The following SEC63 variants were observed in gnomAD, a reference collection of about 807,000 sequenced individuals.
SEC63 encodes the protein SEC63 protein translocation regulator.
SEC63 carries 56 observed loss-of-function variants against 116.2 expected under a neutral mutation model. The observed-to-expected ratio is 0.48, with a 90% CI of 0.39 to 0.60. SEC63 has a LOEUF of 0.60. SEC63 is among the 20% of genes least tolerant of loss of function. The probability of loss-of-function intolerance (pLI) is 0.00; values close to 1 mark genes in which losing one functional copy is unlikely to be tolerated. For synonymous variants in SEC63, 273 were observed against 294.6 expected (o/e 0.93, Z 0.75); for missense variants, 668 against 900.0 (o/e 0.74, Z 3.30).
chr6:107,955,375 C>A (rs980121038), intron 1 of SEC63, among the ~76,000 whole-genome samples: 4 of 152,090 alleles, frequency 2.6e-5, no homozygotes, highest in African/African-American at 9.7e-5. Context: ...GTTGGCCAGG[C>A]TGGTCTTGAA....
At chr6:107,885,098 C>T (rs1450881271) in intron 16 of SEC63, among the ~76,000 whole-genome samples, 1 of 151,944 alleles carries the variant, frequency 6.6e-6, no homozygotes, top group African/African-American at 2.4e-5. Context: ...TTCCTAAGAC[C>T]AAAAATAAGA....
intron 3 of SEC63, among the ~76,000 whole-genome samples, chr6:107,922,191 A>G (rs747559017): frequency 6.6e-6 from 1 of 152,230 alleles, no homozygotes; most frequent in African/African-American, 2.4e-5. Flanking sequence ...CAGATGACAA[A>G]TTTACATAAA....
At chr6:107,886,852 T>G (rs559009266) in intron 16 of SEC63, among the ~76,000 whole-genome samples, 2 of 151,170 alleles carry the variant, frequency 1.3e-5, no homozygotes, top group East Asian at 1.9e-4. Flanking sequence ...TGGGTTTTTT[T>G]TTTTTTTTTT....
chr6:107,936,052 G>A (rs1374367381), intron 1 of SEC63, among the ~76,000 whole-genome samples: 1 of 152,106 alleles, frequency 6.6e-6, no homozygotes, highest in Non-Finnish European at 1.5e-5. Context: ...TAAAATCAAG[G>A]AAACATTTGA....
At chr6:107,888,971 G>A (rs1284596340) in intron 16 of SEC63, among the ~76,000 whole-genome samples, 1 of 152,176 alleles carries the variant, frequency 6.6e-6, no homozygotes, top group African/African-American at 2.4e-5. Context: ...ACTTTCTGAT[G>A]TGCTGCTGGA....
intron 1 of SEC63, among the ~76,000 whole-genome samples, chr6:107,942,987 CA>C (rs1426266867): frequency 6.6e-6 from 1 of 152,172 alleles, no homozygotes. Context: ...TCACTAGTGG[CA>C]CTCTGTATGA....
At chr6:107,888,291 T>C (rs1786585389) in intron 16 of SEC63, among the ~76,000 whole-genome samples, 1 of 152,216 alleles carries the variant, frequency 6.6e-6, no homozygotes, top group African/African-American at 2.4e-5. Context: ...GTAGTTCTCC[T>C]TGAAGAGGTC....
At chr6:107,915,344 T>A (rs960100157) in intron 4 of SEC63, among the ~76,000 whole-genome samples, 6 of 152,090 alleles carry the variant, frequency 3.9e-5, no homozygotes, top group African/African-American at 1.2e-4. Flanking sequence ...TGTATACAAT[T>A]TCAGGGACTC....
At chr6:107,883,325 TAA>T (rs1365355340) in intron 16 of SEC63, 179 bp from the exon 17 acceptor site, 11 of 651,546 alleles carry the variant, frequency 1.7e-5, no homozygotes, top group Admixed American at 2.9e-5. Flanking sequence ...GGAGTCAGAC[TAA>T]AGAGTTTAAT....
intron 1 of SEC63, among the ~76,000 whole-genome samples, chr6:107,936,669 T>C (rs1770253420): frequency 6.6e-6 from 1 of 152,220 alleles, no homozygotes; most frequent in Non-Finnish European, 1.5e-5. Flanking sequence ...AGGGATAATC[T>C]AGATTTGGGT....
At chr6:107,906,815 G>T in intron 8 of SEC63, 38 bp from the exon 9 acceptor site, 1 of 1,440,496 alleles carries the variant, frequency 6.9e-7, no homozygotes, top group Non-Finnish European at 9.8e-7. Context: ...AAATAAATAT[G>T]CTCATTCATT....
rs559391504 is a variant in SEC63, at chr6:107,870,290, G to A, written c.*1414C>T. 5.9e-5 allele frequency: 9 copies of A among 152,642 alleles called. No individual in the cohort carries two copies. In the South Asian group the frequency reaches 1.9e-3, roughly 32 times the overall value. 9.5% of individuals were successfully genotyped at this position (152,642 alleles called of 1,614,324 possible). A position where few individuals can be genotyped will look rare whatever the true frequency, so the allele number is the denominator to read the frequency against. ...TAGGAAATATTACATCTTAAATTTA[G>A]AACCAAAAAAACCATTCATGGTTTT... On this transcript the variant is annotated 3_prime_UTR_variant, in exon 21 of 21. Coordinates refer to ENST00000369002, the MANE Select transcript of SEC63 (RefSeq NM_007214.5).
chr6:107,893,678 C>G, intron 15 of SEC63, 23 bp from the exon 16 acceptor site: 1 of 1,613,520 alleles, frequency 6.2e-7, no homozygotes, highest in Non-Finnish European at 8.5e-7. Flanking sequence ...ACACGTCACA[C>G]TCTTAAGTTA....
chr6:107,926,163 T>A (rs2114482870), intron 2 of SEC63, among the ~76,000 whole-genome samples: 1 of 152,318 alleles, frequency 6.6e-6, no homozygotes, highest in African/African-American at 2.4e-5. Flanking sequence ...TTGCTGTGGA[T>A]GACTATCTAT....
At position 107,893,335 on chromosome 6, in the gene SEC63, C is replaced by A. The variant is rs1786733638; in HGVS notation, c.1674+147G>T. 3 of 705,744 alleles carry A rather than the reference C, an allele frequency of 4.3e-6. No individual in the cohort carries two copies. The Admixed American group carries it at 7.5e-5, about 18-fold the overall frequency. The allele number at this position is 705,744 out of a possible 1,614,324, so 43.7% of individuals were successfully genotyped here. On this transcript the variant is annotated intron_variant, in intron 16 of 20. Coordinates refer to ENST00000369002, the MANE Select transcript of SEC63 (RefSeq NM_007214.5). ...GATGGGGAGATGGATGAAGGGCTCA[C>A]TGACTGAGAAGAGCACAAGGGAGCT...
At chr6:107,890,805 C>T (rs1786663264) in intron 16 of SEC63, among the ~76,000 whole-genome samples, 1 of 152,082 alleles carries the variant, frequency 6.6e-6, no homozygotes, top group Non-Finnish European at 1.5e-5. Context: ...CTGTAAAGGA[C>T]TTTATTTCTC....
chr6:107,904,424 A>G (rs964851312), intron 11 of SEC63, among the ~76,000 whole-genome samples: 1 of 151,826 alleles, frequency 6.6e-6, no homozygotes, highest in Non-Finnish European at 1.5e-5. Flanking sequence ...AAAAAAAAGA[A>G]CAAAAAAAAC....
chr6:107,943,480 T>C (rs1770418828), intron 1 of SEC63, among the ~76,000 whole-genome samples: 1 of 152,206 alleles, frequency 6.6e-6, no homozygotes, highest in African/African-American at 2.4e-5. Context: ...TTTCAAACTG[T>C]TACAAGTCTC....
chr6:107,898,022 T>C (rs985702351), intron 13 of SEC63, among the ~76,000 whole-genome samples: 6 of 152,120 alleles, frequency 3.9e-5, no homozygotes, highest in Non-Finnish European at 1.5e-5. Flanking sequence ...CCCATCACTT[T>C]GGGAGGCCAA....
Sources: gnomAD v4.1 joint callset for allele counts (sites outside exome capture counted in the v4.1 genomes callset) on GRCh38, gnomAD v4.1.1 for gene constraint, MANE v1.5 for transcripts, NCBI Gene and HGNC (gene_info 2026-07-23, HGNC 2026-07-21) for gene names.